Variants in SEMA3E observed in about 807,000 individuals in gnomAD.
SEMA3E encodes the protein semaphorin-3E.
Under a neutral mutation model 93.6 loss-of-function variants are expected in SEMA3E, and 49 were observed. The observed-to-expected ratio is 0.52, with a 90% CI of 0.42 to 0.66. The LOEUF (loss-of-function observed/expected upper bound fraction) is 0.66, where lower values mean the gene tolerates loss of function less well. SEMA3E is among the 30% of genes least tolerant of loss of function. SEMA3E has a pLI of 0.00. For missense variants in SEMA3E, 906 were observed against 964.8 expected, an observed-to-expected ratio of 0.94 and a Z score of 0.81; for synonymous variants, 363 against 330.7, an observed-to-expected ratio of 1.10 and a Z score of -1.06.
chr7:83,558,747 T>G (rs1791969666), intron 1 of SEMA3E, among the ~76,000 whole-genome samples: 1 of 151,990 alleles, frequency 6.6e-6, no homozygotes, highest in Non-Finnish European at 1.5e-5. Flanking sequence ...AACCTAATAT[T>G]GAAAGATTAA....
chr7:83,473,881 G>A (rs1396469369), intron 2 of SEMA3E, among the ~76,000 whole-genome samples: 2 of 152,012 alleles, frequency 1.3e-5, no homozygotes, highest in African/African-American at 2.4e-5. Flanking sequence ...ACCACCTGAG[G>A]TCAGGAGTTT....
At chr7:83,516,199 T>G (rs1038363858) in intron 1 of SEMA3E, among the ~76,000 whole-genome samples, 1 of 152,190 alleles carries the variant, frequency 6.6e-6, no homozygotes, top group Non-Finnish European at 1.5e-5. Flanking sequence ...TAATATGTAT[T>G]TTTATATACT....
chr7:83,531,266 A>T (rs1791289149), intron 1 of SEMA3E, among the ~76,000 whole-genome samples: 1 of 121,936 alleles, frequency 8.2e-6, no homozygotes, highest in South Asian at 3.7e-4. Context: ...AGGAGTAAAC[A>T]AGTTGGGAAA....
At chr7:83,504,850 T>C (rs541619710) in intron 1 of SEMA3E, among the ~76,000 whole-genome samples, 2 of 152,262 alleles carry the variant, frequency 1.3e-5, no homozygotes, top group African/African-American at 4.8e-5. Flanking sequence ...ATATCCAATA[T>C]ACATAATTTC....
chr7:83,619,610 C>A (rs1408758170), intron 1 of SEMA3E, among the ~76,000 whole-genome samples: 1 of 151,796 alleles, frequency 6.6e-6, no homozygotes, highest in Non-Finnish European at 1.5e-5. Flanking sequence ...TTGATGCTAT[C>A]TCTGGTCTTA....
At chr7:83,630,239 T>G (rs1327552810) in intron 1 of SEMA3E, among the ~76,000 whole-genome samples, 1 of 152,168 alleles carries the variant, frequency 6.6e-6, no homozygotes, top group Non-Finnish European at 1.5e-5. Flanking sequence ...TTGGCCATCT[T>G]GCCCGGGAAT....
intron 1 of SEMA3E, among the ~76,000 whole-genome samples, chr7:83,578,189 A>T (rs1439232963): frequency 6.6e-6 from 1 of 152,074 alleles, no homozygotes; most frequent in African/African-American, 2.4e-5. Flanking sequence ...TTCATTTACC[A>T]CCAGGGAGTT....
At chr7:83,532,262 A>C in intron 1 of SEMA3E, among the ~76,000 whole-genome samples, 1 of 152,138 alleles carries the variant, frequency 6.6e-6, no homozygotes, top group East Asian at 1.9e-4. Flanking sequence ...CACATTCTGG[A>C]GAGATAATTG....
chr7:83,508,021 A>T (rs1249902599), intron 1 of SEMA3E, among the ~76,000 whole-genome samples: 1 of 152,128 alleles, frequency 6.6e-6, no homozygotes, highest in Non-Finnish European at 1.5e-5. Flanking sequence ...AGTACTAAAA[A>T]TAATATAAAT....
intron 1 of SEMA3E, among the ~76,000 whole-genome samples, chr7:83,514,426 C>T (rs1790886394): frequency 6.6e-6 from 1 of 152,048 alleles, no homozygotes; most frequent in Admixed American, 6.6e-5. Context: ...GACCCCTTTC[C>T]TGTAACATAT....
intron 1 of SEMA3E, among the ~76,000 whole-genome samples, chr7:83,558,626 T>C (rs1791967370): frequency 6.6e-6 from 1 of 152,080 alleles, no homozygotes. Flanking sequence ...AAATTATGGT[T>C]ACATTTCAGA....
At chr7:83,443,571 T>C (rs904990260) in intron 4 of SEMA3E, among the ~76,000 whole-genome samples, 3 of 152,130 alleles carry the variant, frequency 2.0e-5, no homozygotes, top group Non-Finnish European at 4.4e-5. Context: ...AAAGACATTA[T>C]ATAAGAAATA....
chr7:83,557,672 GC>G (rs1228845275), intron 1 of SEMA3E, among the ~76,000 whole-genome samples: 17 of 152,044 alleles, frequency 1.1e-4, no homozygotes, highest in African/African-American at 4.1e-4. Context: ...CAGTAAAGAT[GC>G]TAACAATTAC....
At chr7:83,546,389 A>C (rs1258795160) in intron 1 of SEMA3E, among the ~76,000 whole-genome samples, 3 of 145,474 alleles carry the variant, frequency 2.1e-5, no homozygotes, top group African/African-American at 7.6e-5. Flanking sequence ...GAATATAGTG[A>C]ATGTGGGACC....
At chr7:83,551,916 C>G (rs183343) in intron 1 of SEMA3E, among the ~76,000 whole-genome samples, 48,861 of 151,766 alleles carry the variant, frequency 0.32, 9,415 homozygotes, top group African/African-American at 0.53. Flanking sequence ...CATAAAAAAC[C>G]TCAGTGTTGC....
At chr7:83,379,681 A>C (rs1391278895) in intron 16 of SEMA3E, among the ~76,000 whole-genome samples, 1 of 151,848 alleles carries the variant, frequency 6.6e-6, no homozygotes, top group Non-Finnish European at 1.5e-5. Context: ...AAGGGCCCCA[A>C]ATTAAAACCA....
At chr7:83,599,377 A>C (rs538991552) in intron 1 of SEMA3E, among the ~76,000 whole-genome samples, 1 of 152,186 alleles carries the variant, frequency 6.6e-6, no homozygotes, top group Non-Finnish European at 1.5e-5. Context: ...TGTGAATATA[A>C]GACACAGGAG....
chr7:83,633,549 A>C (rs1374675780), intron 1 of SEMA3E, among the ~76,000 whole-genome samples: 1 of 152,180 alleles, frequency 6.6e-6, no homozygotes, highest in African/African-American at 2.4e-5. Context: ...AGGGAAACAT[A>C]ATTTATATGT....
Position 83,584,630 on chromosome 7 carries a change from C to T in SEMA3E, c.115+63798G>A, listed in dbSNP as rs114523816. Among the ~76,000 whole-genome samples the T allele has an allele frequency of 7.2e-3, 1,097 of 152,216 alleles. 13 individuals carry two copies. The highest frequency in any genetic ancestry group is 0.025 in the African/African-American group (1,037 of 41,516). ...ATATAACACAAAGCAAGCTGCTCTA[C>T]GCCTTCCCCACTTTTCTCCTGCCAA... On this transcript the variant is annotated intron_variant, in intron 1 of 16. Transcript: ENST00000643230.
Sources: allele counts gnomAD v4.1 joint callset (sites outside exome capture counted in the v4.1 genomes callset), GRCh38; gene constraint gnomAD v4.1.1; transcripts MANE v1.5; gene names NCBI Gene and HGNC (gene_info 2026-07-23, HGNC 2026-07-21).